The following NUTF2 variants were observed in gnomAD, a reference collection of about 807,000 sequenced individuals.
NUTF2 encodes the protein nuclear transport factor 2, also known as placental protein 15.
A neutral mutation model predicts 18.5 loss-of-function variants in NUTF2; 3 were observed. The observed-to-expected ratio is 0.16, with a 90% CI of 0.07 to 0.42. The LOEUF (loss-of-function observed/expected upper bound fraction) is 0.42. NUTF2 is among the 10% of genes least tolerant of loss of function. NUTF2 has a pLI of 0.99. For missense variants in NUTF2, 44 were observed against 160.7 expected, an observed-to-expected ratio of 0.27 and a Z score of 3.93; for synonymous variants, 51 against 57.9, an observed-to-expected ratio of 0.88 and a Z score of 0.54.
At chr16:67,868,905 A>G in intron 4 of NUTF2, 1 of 280,558 alleles carries the variant, frequency 3.6e-6, no homozygotes, top group Non-Finnish European at 7.0e-6. Flanking sequence ...GGAGAAGTAT[A>G]GGAGTAGGAT....
At chr16:67,865,003 C>G in intron 1 of NUTF2, 99 bp from the exon 2 acceptor site, 2 of 637,624 alleles carry the variant, frequency 3.1e-6, no homozygotes, top group Non-Finnish European at 2.8e-6. Flanking sequence ...CAGATCTCAG[C>G]AAAGGACTCC....
At chr16:67,847,505 TC>T (rs2057813931) in intron 1 of NUTF2, 1 of 152,364 alleles carries the variant, frequency 6.6e-6, no homozygotes, top group African/African-American at 2.4e-5. Context: ...CTCACCCTGT[TC>T]CCGACCATAG....
intron 1 of NUTF2, among the ~76,000 whole-genome samples, chr16:67,852,359 T>C (rs1406353019): frequency 6.6e-6 from 1 of 151,592 alleles, no homozygotes; most frequent in Non-Finnish European, 1.5e-5. Context: ...TTCTTTTTTT[T>C]TTTTTTTCAC....
intron 2 of NUTF2, among the ~76,000 whole-genome samples, chr16:67,867,836 C>T (rs1221933105): frequency 3.9e-5 from 6 of 152,022 alleles, no homozygotes; most frequent in South Asian, 2.1e-4. Flanking sequence ...TACAGGCGTG[C>T]GCCACCATGC....
At chr16:67,870,717 A>G (rs1156949751) in intron 4 of NUTF2, 83 bp from the exon 5 acceptor site, 20 of 1,074,396 alleles carry the variant, frequency 1.9e-5, no homozygotes, top group Non-Finnish European at 2.6e-5. Flanking sequence ...TAAAGTCAAC[A>G]TTTTTTTGCC....
intron 1 of NUTF2, among the ~76,000 whole-genome samples, chr16:67,859,162 A>G (rs1266623863): frequency 6.7e-6 from 1 of 149,588 alleles, no homozygotes; most frequent in Non-Finnish European, 1.5e-5. Context: ...CGCTTTTTAC[A>G]CTCTGGCTCC....
chr16:67,871,072 T>C lies in NUTF2; in HGVS notation c.*159T>C, dbSNP rs903167040. 3.4e-6 allele frequency: 2 copies of C among 593,048 alleles called. No homozygotes were observed. The highest frequency in any genetic ancestry group is 3.0e-6 in the Non-Finnish European group (1 of 329,382). The allele number at this position is 593,048 out of a possible 1,614,324, so 36.7% of individuals were successfully genotyped here. The stretch of plus-strand genomic sequence containing the variant: ...GCCACTGAGGTGTTGTGCATGATGT[T>C]TGGATGCTAGACTAGTTGCATCTGA... On this transcript the variant is annotated 3_prime_UTR_variant, in exon 5 of 5. Transcript: ENST00000219169.
chr16:67,852,734 C>T (rs1232690679), intron 1 of NUTF2, among the ~76,000 whole-genome samples: 1 of 152,052 alleles, frequency 6.6e-6, no homozygotes, highest in Non-Finnish European at 1.5e-5. Flanking sequence ...GGCTGGAGTG[C>T]AATGGCGTGA....
intron 1 of NUTF2, among the ~76,000 whole-genome samples, chr16:67,863,088 C>T (rs2057945314): frequency 6.6e-6 from 1 of 152,318 alleles, no homozygotes; most frequent in East Asian, 1.9e-4. Flanking sequence ...GGGAGCTGTG[C>T]TCTGCCTTAG....
At chr16:67,866,192 G>T (rs954219750) in intron 2 of NUTF2, among the ~76,000 whole-genome samples, 2 of 152,104 alleles carry the variant, frequency 1.3e-5, no homozygotes, top group Non-Finnish European at 2.9e-5. Flanking sequence ...ACAGTCTTCT[G>T]TGTCTGTCTC....
rs949602489 is a variant in NUTF2 at position 67,852,682 on chromosome 16, A to AT, written c.-30+5704dup. 5.4e-5 allele frequency among the ~76,000 whole-genome samples: 8 copies of AT among 146,914 alleles called. No homozygotes were observed. The East Asian group carries it at 6.2e-4, about 11-fold the overall frequency. Reference sequence around the variant, plus strand: ...CTTTTTTTCTTTATTTTATTTCTTTATTTTTTTATTTTTTGAGACAGAGTT... The same window carrying AT: ...CTTTTTTTCTTTATTTTATTTCTTTATTTTTTTTATTTTTTGAGACAGAGTT... On this transcript the variant is annotated intron_variant, in intron 1 of 4. Coordinates refer to ENST00000219169, the MANE Select transcript of NUTF2 (RefSeq NM_005796.3).
At position 67,856,892 on chromosome 16, in the gene NUTF2, G is replaced by A. The variant is rs1245621067; in HGVS notation, c.-29-8210G>A. Among the ~76,000 whole-genome samples the A allele has an allele frequency of 2.6e-5, 4 of 152,300 alleles. No individual in the cohort carries two copies. The East Asian group carries it at 5.8e-4, about 22-fold the overall frequency. Reference sequence around the variant, plus strand: ...GTCTTAAATTCTTTCTTAACCTCTTGGAGTCTTTGTTTCCTTGTCTATAAA... The same window carrying A: ...GTCTTAAATTCTTTCTTAACCTCTTAGAGTCTTTGTTTCCTTGTCTATAAA... On this transcript the variant is annotated intron_variant, in intron 1 of 4. Transcript: ENST00000219169.
intron 4 of NUTF2, 75 bp from the exon 5 acceptor site, chr16:67,870,725 G>T (rs1336622508): frequency 5.3e-6 from 6 of 1,135,644 alleles, no homozygotes; most frequent in African/African-American, 3.1e-5. Flanking sequence ...ACATTTTTTT[G>T]CCCTCTTCTC....
chr16:67,856,194 T>TG (rs1567380546), intron 1 of NUTF2: 5 of 307,098 alleles, frequency 1.6e-5, no homozygotes, highest in African/African-American at 8.7e-5. Flanking sequence ...CCAGTTTTTT[T>TG]TTGTTGTTGT....
intron 1 of NUTF2, among the ~76,000 whole-genome samples, chr16:67,863,279 T>C (rs182896123): frequency 3.9e-5 from 6 of 152,328 alleles, no homozygotes; most frequent in Admixed American, 2.6e-4. Context: ...GATCCAAGCT[T>C]TCTCCCCTGC....
At chr16:67,865,922 G>GT (rs1052925382) in intron 2 of NUTF2, among the ~76,000 whole-genome samples, 1 of 152,122 alleles carries the variant, frequency 6.6e-6, no homozygotes, top group African/African-American at 2.4e-5. Flanking sequence ...GTTTCACCAT[G>GT]TTGGCCAGGC....
intron 4 of NUTF2, 138 bp from the exon 5 acceptor site, chr16:67,870,662 C>T (rs2058005133): frequency 2.8e-6 from 2 of 724,976 alleles, no homozygotes; most frequent in East Asian, 5.0e-5. Context: ...ACAAGTACCC[C>T]TTGGCTACAC....
chr16:67,870,517 C>T (rs962803178), intron 4 of NUTF2: 4 of 398,666 alleles, frequency 1.0e-5, no homozygotes, highest in African/African-American at 2.1e-5. Context: ...GAGGCAGGTA[C>T]ATCCTCTGCT....
intron 1 of NUTF2, chr16:67,856,038 G>T (rs781522636): frequency 2.5e-6 from 2 of 799,742 alleles, no homozygotes; most frequent in Non-Finnish European, 4.4e-6. Flanking sequence ...CTCAGGGGCC[G>T]GCACTCACCC....
Sources: gnomAD v4.1 joint callset for allele counts (sites outside exome capture counted in the v4.1 genomes callset) on GRCh38, gnomAD v4.1.1 for gene constraint, MANE v1.5 for transcripts, NCBI Gene and HGNC (gene_info 2026-07-23, HGNC 2026-07-21) for gene names.